The following TEX13B variants were observed in gnomAD, a reference collection of about 807,000 sequenced individuals.
The protein encoded by TEX13B is testis-expressed protein 13B.
Under a neutral mutation model 11.2 loss-of-function variants are expected in TEX13B, and 5 were observed. The ratio of observed to expected loss-of-function variants is 0.44; its 90% confidence interval spans 0.23 to 0.93. The LOEUF (loss-of-function observed/expected upper bound fraction) is 0.93, where lower values mean the gene tolerates loss of function less well. Among genes scored for constraint, TEX13B ranks in the 40% least tolerant of loss-of-function variants. The probability of loss-of-function intolerance (pLI) is 0.23; values close to 1 mark genes in which losing one functional copy is unlikely to be tolerated. For missense variants in TEX13B, 213 were observed against 244.2 expected, an observed-to-expected ratio of 0.87 and a Z score of 0.85; for synonymous variants, 115 against 100.9, an observed-to-expected ratio of 1.14 and a Z score of -0.84.
Position 107,981,656 on chromosome X carries a change from C to G in TEX13B, c.459+13G>C. 2.5e-6 allele frequency: 3 copies of G among 1,191,706 alleles called. No individual in the cohort carries two copies. The highest frequency in any genetic ancestry group is 3.4e-6 in the Non-Finnish European group (3 of 883,450). ...GCAGAGGCATTGGACAGGGACCATT[C>G]GGGGGATCTTACGGCATGGAAGAGC... On this transcript the variant is annotated intron_variant, in intron 2 of 2. Transcript: ENST00000302917.
chrX:107,981,518 A>T lies in TEX13B; in HGVS notation c.501T>A (p.Phe167Leu). 1 of 1,211,738 alleles carries T rather than the reference A, an allele frequency of 8.3e-7. No individual in the cohort carries two copies. Among genetic ancestry groups the T allele is most frequent in the African/African-American group, 1.7e-5 (1 of 57,803 alleles). The change falls in exon 3 of 3, where the codon TTT (phenylalanine) becomes TTA (leucine). Residue 167 changes from phenylalanine to leucine, a missense_variant. Transcript: ENST00000302917. ...PPQGQGQATV[F>L]PGLATAGGDW... ...CCCCTCCGGCAGTGGCCAGGCCTGGAAACACTGTAGCCTGGCCCTGTCCCT... is the reference window on the plus strand; with the variant it reads ...CCCCTCCGGCAGTGGCCAGGCCTGGTAACACTGTAGCCTGGCCCTGTCCCT...
At position 107,981,081 on chromosome X, in the gene TEX13B, C is replaced by T. The variant is rs1602532650; in HGVS notation, c.938G>A (p.Ter313=). The change falls in exon 3 of 3, where the codon TGA becomes TAA. Residue 313 remains the stop codon, a stop_retained_variant. Transcript: ENST00000302917. ...TCCACATCTGACCACAGGCTAGCAT[C>T]AGAGGCCCCCCAGTTGAAAGGCATC... is the stretch of plus-strand genomic sequence containing the variant. ...NSDAFQLGGL[*] The T allele has an allele frequency of 5.0e-6, 6 of 1,210,821 alleles. No individual in the cohort carries two copies. The highest frequency in any genetic ancestry group is 3.0e-5 in the East Asian group (1 of 33,779).
rs1167130606 is a variant in TEX13B at position 107,981,302 on chromosome X, C to T, written c.717G>A (p.Glu239=). ...VAGKLHLCGA[E]GERSQVSTNS... ...TTGTACTGACCTGAGATCTTTCTCC[C>T]TCTGCCCCGCAAAGGTGTAATTTGC... The change falls in exon 3 of 3, where the codon GAG becomes GAA. Residue 239 remains glutamate (E), a synonymous_variant. Coordinates refer to ENST00000302917, the MANE Select transcript of TEX13B (RefSeq NM_031273.2). 6.6e-6 allele frequency: 8 copies of T among 1,210,150 alleles called. No homozygotes were observed. Among genetic ancestry groups the T allele is most frequent in the Non-Finnish European group, 8.9e-6 (8 of 895,252 alleles).
chrX:107,981,455 C>T lies in TEX13B; in HGVS notation c.564G>A (p.Ala188=), dbSNP rs762852558. 4 of 1,211,884 alleles carry T rather than the reference C, an allele frequency of 3.3e-6. No individual in the cohort carries two copies. Among genetic ancestry groups the T allele is most frequent in the Non-Finnish European group, 4.5e-6 (4 of 895,564 alleles). ...CTCCAGCAGCACCAGCAGCAGCCAC[C>T]GCCTCCTTTTCCTGCTCACCTGCTC... ...TEGAGEQEKE[A]VAAAGAAGGK... is the part of the protein sequence containing the mutation. The change falls in exon 3 of 3, where the codon GCG becomes GCA. Residue 188 remains alanine (A), a synonymous_variant. Transcript: ENST00000302917.
In TEX13B at chrX:107,981,723, G is replaced by A. The variant is rs200208996; in HGVS notation, c.405C>T (p.Ser135=). The A allele has an allele frequency of 8.3e-6, 10 of 1,208,505 alleles. No individual in the cohort carries two copies. In the East Asian group the frequency reaches 2.4e-4, roughly 29 times the overall value. ...ATFQLQLTET[S]LAEVQRERDM... ...CCCGCTCTCTCTGCACCTCCGCAAG[G>A]CTGGTCTCGGTTAGCTGCAACTGGA... The change falls in exon 2 of 3, where the codon AGC becomes AGT. Residue 135 remains serine (S), a synonymous_variant. Coordinates refer to ENST00000302917, the MANE Select transcript of TEX13B (RefSeq NM_031273.2).
In TEX13B at chrX:107,981,361, C is replaced by A. The variant is rs1933760815; in HGVS notation, c.658G>T (p.Gly220Cys). Residue 220 changes from glycine (G) to cysteine (C), a missense_variant, in exon 3 of 3, where the codon GGC becomes TGC. By Grantham distance (159) the Gly-to-Cys change is radical. Coordinates refer to ENST00000302917, the MANE Select transcript of TEX13B (RefSeq NM_031273.2). The stretch of plus-strand genomic sequence containing the variant: ...ATAGCTCCGAGGGGCTGCCTGAAGC[C>A]TCCTCCCAGCCCCTGCAAGACCTCT... ...PAEVLQGLGGGFRQPLGAIVA... is the reference protein window; with the variant it reads ...PAEVLQGLGGCFRQPLGAIVA... The A allele has an allele frequency of 1.7e-6, 2 of 1,210,207 alleles. No homozygotes were observed. The highest frequency in any genetic ancestry group is 2.2e-6 in the Non-Finnish European group (2 of 895,260).
rs1378765789 is a variant in TEX13B, at chrX:107,982,077, C to T, written c.51G>A (p.Val17=). 1 of 1,209,347 alleles carries T rather than the reference C, an allele frequency of 8.3e-7. No individual in the cohort carries two copies. Among genetic ancestry groups the T allele is most frequent in the East Asian group, 3.0e-5 (1 of 33,777 alleles). The change falls in exon 2 of 3, where the codon GTG becomes GTA. Residue 17 remains valine (V), a synonymous_variant. Transcript: ENST00000302917. ...DPSSGFRHGN[V]VAFIIEKMAR... is the part of the protein sequence containing the mutation. Reference sequence around the variant, plus strand: ...CCATTTTCTCGATGATGAAGGCCACCACGTTTCCGTGCCGGAACCCACTAC... The same window carrying T: ...CCATTTTCTCGATGATGAAGGCCACTACGTTTCCGTGCCGGAACCCACTAC...
In TEX13B at chrX:107,981,275, G is replaced by A; in HGVS notation, c.744C>T (p.Asn248=). ...AAGCCCAGAGAAGACAGACATGGCT[G>A]TTTGTACTGACCTGAGATCTTTCTC... ...AEGERSQVST[N]SHVCLLWAWV... The change falls in exon 3 of 3, where the codon AAC becomes AAT. Residue 248 remains asparagine, a synonymous_variant. Transcript: ENST00000302917. 6.6e-6 allele frequency: 8 copies of A among 1,210,088 alleles called. No homozygotes were observed. Among genetic ancestry groups the A allele is most frequent in the Non-Finnish European group, 7.8e-6 (7 of 895,191 alleles).
Position 107,981,431 on chromosome X carries a change from T to TCCAGCAGCA in TEX13B, c.579_587dup (p.Ala194_Gly196dup), listed in dbSNP as rs1317863960. The TCCAGCAGCA allele has an allele frequency of 5.8e-6, 7 of 1,211,747 alleles. No homozygotes were observed. The highest frequency in any genetic ancestry group is 6.7e-6 in the Non-Finnish European group (6 of 895,512). The stretch of plus-strand genomic sequence containing the variant: ...CTGCATACCTCTCCTCTCCTTTTCC[T>TCCAGCAGCA]CCAGCAGCACCAGCAGCAGCCACCG... On this transcript the variant is annotated inframe_insertion, in exon 3 of 3. Coordinates refer to ENST00000302917, the MANE Select transcript of TEX13B (RefSeq NM_031273.2).
chrX:107,981,105 T>A lies in TEX13B; in HGVS notation c.914A>T (p.Asp305Val). 8.3e-7 allele frequency: 1 copy of A among 1,210,948 alleles called. No homozygotes were observed. Among genetic ancestry groups the A allele is most frequent in the Non-Finnish European group, 1.1e-6 (1 of 895,343 alleles). The change falls in exon 3 of 3, where the codon GAT (aspartate) becomes GTT (valine). Residue 305 changes from aspartate to valine, a missense_variant. Coordinates refer to ENST00000302917, the MANE Select transcript of TEX13B (RefSeq NM_031273.2). ...TCAGAGGCCCCCCAGTTGAAAGGCA[T>A]CTGAGTTGGAACCCGTTCTGTGACC... ...SKGHRTGSNSDAFQLGGL is the reference protein window; with the variant it reads ...SKGHRTGSNSVAFQLGGL
intron 1 of TEX13B, 29 bp from the exon 2 acceptor site, chrX:107,982,188 C>A: frequency 9.4e-7 from 1 of 1,065,450 alleles, no homozygotes. Flanking sequence ...CAATAGGTTT[C>A]TTTCCTCCTC....
Position 107,981,343 on chromosome X carries a change from C to G in TEX13B, c.676G>C (p.Gly226Arg), listed in dbSNP as rs142395505. The G allele has an allele frequency of 1.5e-4, 177 of 1,210,175 alleles. No homozygotes were observed. In the African/African-American group the frequency reaches 2.6e-3, roughly 18 times the overall value. ...GLGGGFRQPL[G>R]AIVAGKLHLC... The stretch of plus-strand genomic sequence containing the variant: ...TGTAATTTGCCTGCTACAATAGCTC[C>G]GAGGGGCTGCCTGAAGCCTCCTCCC... The change falls in exon 3 of 3, where the codon GGA becomes CGA. Residue 226 changes from glycine (G) to arginine (R), a missense_variant. Gly to Arg is a moderately radical substitution (Grantham distance 125). Transcript: ENST00000302917.
In TEX13B at chrX:107,981,945, G is replaced by A. The variant is rs1487055789; in HGVS notation, c.183C>T (p.Ser61=). 3.3e-6 allele frequency: 4 copies of A among 1,211,449 alleles called. No homozygotes were observed. Among genetic ancestry groups the A allele is most frequent in the East Asian group, 5.9e-5 (2 of 33,825 alleles). The change falls in exon 2 of 3, where the codon AGC becomes AGT. Residue 61 remains serine (S), a synonymous_variant. Coordinates refer to ENST00000302917, the MANE Select transcript of TEX13B (RefSeq NM_031273.2). ...RAILEDSEVP[S]EVKEACTWGS... Reference sequence around the variant, plus strand: ...CCCAGGTGCAGGCCTCTTTGACCTCGCTGGGCACCTCGCTGTCCTCCAGGA... The same window carrying A: ...CCCAGGTGCAGGCCTCTTTGACCTCACTGGGCACCTCGCTGTCCTCCAGGA...
At position 107,981,753 on chromosome X, in the gene TEX13B, C is replaced by T. The variant is rs940391658; in HGVS notation, c.375G>A (p.Ala125=). ...TCTCGGTTAGCTGCAACTGGAAGGT[C>T]GCCTCATTGCATTCCATCTCCTGCT... ...KEQQEMECNE[A]TFQLQLTETS... The change falls in exon 2 of 3, where the codon GCG becomes GCA. Residue 125 remains alanine (A), a synonymous_variant. Coordinates refer to ENST00000302917, the MANE Select transcript of TEX13B (RefSeq NM_031273.2). 20 of 1,210,001 alleles carry T rather than the reference C, an allele frequency of 1.7e-5. No individual in the cohort carries two copies. Among genetic ancestry groups the T allele is most frequent in the Non-Finnish European group, 2.2e-5 (20 of 895,036 alleles).
intron 2 of TEX13B, 54 bp downstream of exon 2, chrX:107,981,615 G>A: frequency 8.4e-7 from 1 of 1,195,664 alleles, no homozygotes; most frequent in East Asian, 3.0e-5. Flanking sequence ...AGGGGGTCCG[G>A]ACAGGTTGGG....
At position 107,981,918 on chromosome X, in the gene TEX13B, G is replaced by A; in HGVS notation, c.210C>T (p.Gly70=). 8.3e-7 allele frequency: 1 copy of A among 1,210,229 alleles called. No homozygotes were observed. The highest frequency in any genetic ancestry group is 1.1e-6 in the Non-Finnish European group (1 of 894,219). ...PSEVKEACTW[G]SLALGVRFAH... ...CAAAGCGCACACCCAAGGCCAGGCT[G>A]CCCCAGGTGCAGGCCTCTTTGACCT... is the stretch of plus-strand genomic sequence containing the variant. The change falls in exon 2 of 3, where the codon GGC becomes GGT. Residue 70 remains glycine (G), a synonymous_variant. Transcript: ENST00000302917.
In TEX13B at chrX:107,981,564, A is replaced by G. The variant is rs747238455; in HGVS notation, c.460-5T>C. 1.2e-5 allele frequency: 14 copies of G among 1,210,029 alleles called. No individual in the cohort carries two copies. Among genetic ancestry groups the G allele is most frequent in the Non-Finnish European group, 1.6e-5 (14 of 894,592 alleles). ...TCCCTGGGGAGGTGCCAGCTCCTGGAGAGAAGTAGGCAGAGCTGAAACACA... is the reference window on the plus strand; with the variant it reads ...TCCCTGGGGAGGTGCCAGCTCCTGGGGAGAAGTAGGCAGAGCTGAAACACA... On this transcript the variant is annotated splice_region_variant and splice_polypyrimidine_tract_variant and intron_variant, in intron 2 of 2. Coordinates refer to ENST00000302917, the MANE Select transcript of TEX13B (RefSeq NM_031273.2).
chrX:107,981,333 A>G lies in TEX13B; in HGVS notation c.686T>C (p.Val229Ala). 1.7e-6 allele frequency: 2 copies of G among 1,211,679 alleles called. No individual in the cohort carries two copies. The highest frequency in any genetic ancestry group is 2.2e-6 in the Non-Finnish European group (2 of 895,504). ...GGFRQPLGAI[V>A]AGKLHLCGAE... ...CCCGCAAAGGTGTAATTTGCCTGCT[A>G]CAATAGCTCCGAGGGGCTGCCTGAA... The change falls in exon 3 of 3, where the codon GTA becomes GCA. Residue 229 changes from valine to alanine, a missense_variant. Coordinates refer to ENST00000302917, the MANE Select transcript of TEX13B (RefSeq NM_031273.2).
intron 2 of TEX13B, 29 bp from the exon 3 acceptor site, chrX:107,981,588 C>T: frequency 1.0e-5 from 12 of 1,204,324 alleles, no homozygotes; most frequent in Non-Finnish European, 1.3e-5. Flanking sequence ...AGCTGAAACA[C>T]ATTCTGGGGA....
Sources: allele counts gnomAD v4.1 joint callset, GRCh38; gene constraint gnomAD v4.1.1; transcripts MANE v1.5; gene names NCBI Gene and HGNC (gene_info 2026-07-23, HGNC 2026-07-21).